The following ZNF503 variants were observed in gnomAD, a reference collection of about 807,000 sequenced individuals.
ZNF503 encodes the protein zinc finger protein 503, also known as NocA-like zinc finger 2.
Under a neutral mutation model 34.4 loss-of-function variants are expected in ZNF503, and 15 were observed. The ratio of observed to expected loss-of-function variants is 0.44; its 90% CI spans 0.29 to 0.67. ZNF503 has a LOEUF of 0.67. Among genes scored for constraint, ZNF503 ranks in the 30% least tolerant of loss-of-function variants. The pLI, the probability that ZNF503 is intolerant of heterozygous loss-of-function variation, is 0.13. For missense variants in ZNF503, 1,007 were observed against 926.8 expected (o/e 1.09, Z -1.12); for synonymous variants, 580 against 456.8 (o/e 1.27, Z -3.44).
chr10:75,282,259 A>G, the ZNF503 span, among the ~76,000 whole-genome samples: 1 of 148,928 alleles, frequency 6.7e-6, no homozygotes, highest in East Asian at 1.9e-4. Context: ...AATCACAGGC[A>G]AGGGGAAGTC....
chr10:75,399,704 G>A lies in ZNF503; in HGVS notation c.986C>T (p.Ser329Phe), dbSNP rs908243261. 1 of 1,600,052 alleles carries A rather than the reference G, an allele frequency of 6.2e-7. No homozygotes were observed. Among genetic ancestry groups the A allele is most frequent in the Non-Finnish European group, 8.5e-7 (1 of 1,178,878 alleles). The change falls in exon 2 of 2, where the codon TCC (serine) becomes TTC (phenylalanine). Residue 329 changes from serine (S) to phenylalanine (F), a missense_variant. Ser to Phe is a radical substitution (Grantham distance 155, BLOSUM62 -2). Transcript: ENST00000372524. Reference sequence around the variant, plus strand: ...CACCAGCCCAGAGCCCAACACTGAGGAGGAGGTGGGCGCGCTGGGGCCGGA... The same window carrying A: ...CACCAGCCCAGAGCCCAACACTGAGAAGGAGGTGGGCGCGCTGGGGCCGGA... ...SGSGPSAPTS[S>F]SVLGSGLVAP...
the ZNF503 span, among the ~76,000 whole-genome samples, chr10:75,286,806 A>G: frequency 6.6e-6 from 1 of 152,198 alleles, no homozygotes; most frequent in Non-Finnish European, 1.5e-5. Flanking sequence ...GCTGAGACAG[A>G]GGGGCTGCGT....
the ZNF503 span, among the ~76,000 whole-genome samples, chr10:75,335,419 A>G: frequency 6.6e-6 from 1 of 152,228 alleles, no homozygotes; most frequent in Non-Finnish European, 1.5e-5. Flanking sequence ...CTGGTAGAAT[A>G]GCAGGGTAAT....
intron 1 of ZNF503, 137 bp downstream of exon 1, chr10:75,400,968 A>G (rs1201544132): frequency 7.8e-7 from 1 of 1,284,186 alleles, no homozygotes; most frequent in Admixed American, 2.2e-5. Flanking sequence ...TGAGGTACGG[A>G]AGCAGTAGCC....
chr10:75,357,362 A>AG, the ZNF503 span, among the ~76,000 whole-genome samples: 1 of 135,824 alleles, frequency 7.4e-6, no homozygotes, highest in Non-Finnish European at 1.7e-5. Context: ...TACAAAAAAA[A>AG]AAAAAATTAG....
In ZNF503 at chr10:75,401,428, C is replaced by T. The variant is rs574085187; in HGVS notation, c.-9G>A. On this transcript the variant is annotated 5_prime_UTR_variant, in exon 1 of 2. Transcript: ENST00000372524. ...GAGGGCGCTGTGCTCATGACCCACCCGCGCGCATGGGAGCAGCGGGGGGGA... is the reference window on the plus strand; with the variant it reads ...GAGGGCGCTGTGCTCATGACCCACCTGCGCGCATGGGAGCAGCGGGGGGGA... 136 of 1,533,718 alleles carry T rather than the reference C, an allele frequency of 8.9e-5. 3 individuals carry two copies. In the South Asian group the frequency reaches 1.5e-3, roughly 17 times the overall value.
the ZNF503 span, among the ~76,000 whole-genome samples, chr10:75,311,342 A>C: frequency 1.3e-5 from 2 of 152,160 alleles, no homozygotes; most frequent in African/African-American, 2.4e-5. Flanking sequence ...ACTGACTCAA[A>C]TGTTAATCTC....
chr10:75,393,930 T>C (rs141314408), downstream of ZNF503, among the ~76,000 whole-genome samples: 2 of 151,948 alleles, frequency 1.3e-5, no homozygotes, highest in East Asian at 3.9e-4. Flanking sequence ...ATAATAACAA[T>C]AACACCAAAA....
chr10:75,385,804 GTTC>G, the ZNF503 span, among the ~76,000 whole-genome samples: 3,528 of 152,292 alleles, frequency 0.023, 120 homozygotes, highest in African/African-American at 0.08. Context: ...CAGAATGACT[GTTC>G]TTCATAAACC....
the ZNF503 span, among the ~76,000 whole-genome samples, chr10:75,343,709 G>A: frequency 2.0e-4 from 31 of 152,184 alleles, no homozygotes; most frequent in African/African-American, 6.8e-4. Context: ...GGATTTCTGC[G>A]GCCCTAGCTG....
At chr10:75,329,301 GT>G in the ZNF503 span, among the ~76,000 whole-genome samples, 4 of 150,670 alleles carry the variant, frequency 2.7e-5, no homozygotes, top group Admixed American at 2.6e-4. Flanking sequence ...TGTTCTAAGA[GT>G]TTTTTTGGTG....
chr10:75,369,903 C>T, the ZNF503 span, among the ~76,000 whole-genome samples: 1 of 151,830 alleles, frequency 6.6e-6, no homozygotes, highest in Non-Finnish European at 1.5e-5. Context: ...CTCGTCTCTA[C>T]TAAAAATATA....
At chr10:75,371,572 C>T in the ZNF503 span, among the ~76,000 whole-genome samples, 1 of 152,226 alleles carries the variant, frequency 6.6e-6, no homozygotes, top group African/African-American at 2.4e-5. Context: ...CAGAGCCAGA[C>T]TGACTTCTTT....
chr10:75,384,189 A>ACCTCAGTGTT, the ZNF503 span, among the ~76,000 whole-genome samples: 1 of 151,916 alleles, frequency 6.6e-6, no homozygotes, highest in Non-Finnish European at 1.5e-5. Context: ...GTCTGAGAAC[A>ACCTCAGTGTT]CTGAGGGCCC....
downstream of ZNF503, among the ~76,000 whole-genome samples, chr10:75,395,879 G>T (rs1843690786): frequency 6.6e-6 from 1 of 152,224 alleles, no homozygotes; most frequent in Non-Finnish European, 1.5e-5. This position sits in a 1 kb window ranked among gnomAD's most constrained non-coding sequence, Gnocchi z 4.4. Context: ...AACGTCCCGG[G>T]TTCGTCTCCC....
downstream of ZNF503, among the ~76,000 whole-genome samples, chr10:75,393,540 T>C (rs916612913): frequency 6.6e-6 from 1 of 152,176 alleles, no homozygotes; most frequent in Non-Finnish European, 1.5e-5. Flanking sequence ...CACTATTCAT[T>C]CTACTGCTCT....
chr10:75,323,947 A>G, the ZNF503 span, among the ~76,000 whole-genome samples: 2 of 146,504 alleles, frequency 1.4e-5, no homozygotes, highest in Non-Finnish European at 3.0e-5. Flanking sequence ...GCAAGATTGC[A>G]CCATTGCACT....
chr10:75,331,672 T>C, the ZNF503 span, among the ~76,000 whole-genome samples: 1 of 152,130 alleles, frequency 6.6e-6, no homozygotes, highest in African/African-American at 2.4e-5. Flanking sequence ...TTGGCTAAGA[T>C]CAAATGTAGA....
chr10:75,351,304 T>A, the ZNF503 span, among the ~76,000 whole-genome samples: 5 of 152,210 alleles, frequency 3.3e-5, no homozygotes, highest in Non-Finnish European at 7.3e-5. Context: ...CCTGAGTAGC[T>A]GGGATTACAG....
Sources: gnomAD v4.1 joint callset for allele counts (sites outside exome capture counted in the v4.1 genomes callset) on GRCh38, gnomAD v4.1.1 for gene constraint, Gnocchi (gnomAD v3.1) non-coding constraint, MANE v1.5 for transcripts, NCBI Gene and HGNC (gene_info 2026-07-23, HGNC 2026-07-21) for gene names.